The following MEF2C variants were observed in gnomAD, a reference collection of about 807,000 sequenced individuals.
MEF2C encodes the protein myocyte-specific enhancer factor 2C.
A neutral mutation model predicts 50.5 loss-of-function variants in MEF2C; 6 were observed. The ratio of observed to expected loss-of-function variants is 0.12; its 90% CI spans 0.07 to 0.23. The LOEUF (loss-of-function observed/expected upper bound fraction) is 0.23. MEF2C is among the 10% of genes least tolerant of loss of function. The pLI, the probability that MEF2C is intolerant of heterozygous loss-of-function variation, is 1.00. For missense variants in MEF2C, 276 were observed against 605.0 expected (o/e 0.46, Z 5.70); for synonymous variants, 183 against 228.0 (o/e 0.80, Z 1.78).
chr5:88,726,258 T>C (rs1240424271), intron 10 of MEF2C, among the ~76,000 whole-genome samples: 3 of 152,146 alleles, frequency 2.0e-5, no homozygotes, highest in African/African-American at 7.2e-5. Flanking sequence ...ACATTGTCTC[T>C]AGCCAAAAGA....
chr5:88,839,347 C>CTCTCTCTA (rs1554040239), intron 1 of MEF2C: 1 of 91,714 alleles, frequency 1.1e-5, no homozygotes, highest in Non-Finnish European at 2.2e-5. Context: ...CTCTCTCTCT[C>CTCTCTCTA]TCTCTCTATC....
Position 88,734,190 on chromosome 5 carries a change from A to G in MEF2C, c.638-2289T>C, listed in dbSNP as rs1762878563. ...ATAGATTCTACGGGATAAAAAGAGA[A>G]TAAGAACATCAAGGTCAATTCTGCT... On this transcript the variant is annotated intron_variant, in intron 6 of 10. Transcript: ENST00000504921. The G allele has an allele frequency of 1.2e-5, 12 of 985,238 alleles. No homozygotes were observed. The Middle Eastern group carries it at 1.6e-3, about 129-fold the overall frequency. The allele number at this position is 985,238 out of a possible 1,614,324, so 61.0% of individuals were successfully genotyped here.
upstream of MEF2C, chr5:88,883,239 G>C (rs1390000217): frequency 6.9e-6 from 1 of 144,030 alleles, no homozygotes; most frequent in Admixed American, 6.9e-5. Flanking sequence ...GCGCGCGCGA[G>C]GGGAGCGCGC....
At chr5:88,766,351 T>C (rs1041058864) in intron 3 of MEF2C, among the ~76,000 whole-genome samples, 5 of 152,236 alleles carry the variant, frequency 3.3e-5, no homozygotes, top group Non-Finnish European at 7.3e-5. Flanking sequence ...CCTTTTCTTA[T>C]GCAGTGATTA....
rs551625275 is a variant in MEF2C, at chr5:88,757,860, G to T, written c.402+3325C>A. On this transcript the variant is annotated intron_variant, in intron 4 of 10. Coordinates refer to ENST00000504921, the MANE Select transcript of MEF2C (RefSeq NM_002397.5). ...GAACATGGGAGGCGGAGGTTGAGGGGAGCCAGGATCACGCCGTTGCACTCC... is the reference window on the plus strand; with the variant it reads ...GAACATGGGAGGCGGAGGTTGAGGGTAGCCAGGATCACGCCGTTGCACTCC... Among the ~76,000 whole-genome samples the T allele has an allele frequency of 1.8e-4, 28 of 152,248 alleles. No homozygotes were observed. The South Asian group carries it at 5.4e-3, about 29-fold the overall frequency.
intron 6 of MEF2C, chr5:88,737,674 C>T (rs1325697377): frequency 4.2e-5 from 41 of 985,052 alleles, no homozygotes; most frequent in East Asian, 1.1e-4. Flanking sequence ...AGAGGCTTTG[C>T]GGAGAGAAGG....
intron 1 of MEF2C, among the ~76,000 whole-genome samples, chr5:88,872,220 C>T (rs1303206708): frequency 2.0e-5 from 3 of 152,000 alleles, no homozygotes; most frequent in African/African-American, 7.2e-5. Flanking sequence ...CCATTAAAAT[C>T]ATCTAATAAC....
chr5:88,901,855 C>G (rs1835690120), intron 1 of MEF2C, among the ~76,000 whole-genome samples: 1 of 151,728 alleles, frequency 6.6e-6, no homozygotes, highest in South Asian at 2.1e-4. Flanking sequence ...TCAGGCACAG[C>G]TAAAATGATA....
chr5:88,846,421 C>T (rs1198213428), intron 1 of MEF2C, among the ~76,000 whole-genome samples: 1 of 152,068 alleles, frequency 6.6e-6, no homozygotes, highest in Non-Finnish European at 1.5e-5. Context: ...CCTATAATGA[C>T]AGAAAAATGA....
chr5:88,821,450 A>T (rs1266133780), intron 2 of MEF2C, among the ~76,000 whole-genome samples: 1 of 151,776 alleles, frequency 6.6e-6, no homozygotes, highest in Non-Finnish European at 1.5e-5. Flanking sequence ...TTAAAATAAG[A>T]GATTGCATCT....
chr5:88,812,654 C>G (rs1054799208), intron 2 of MEF2C, among the ~76,000 whole-genome samples: 5 of 152,146 alleles, frequency 3.3e-5, no homozygotes, highest in African/African-American at 1.2e-4. Context: ...TCCCTACATT[C>G]GACAGTATCT....
At chr5:88,745,730 G>T (rs1373780819) in intron 6 of MEF2C, among the ~76,000 whole-genome samples, 1 of 152,204 alleles carries the variant, frequency 6.6e-6, no homozygotes, top group African/African-American at 2.4e-5. Context: ...GAGGTGGACT[G>T]CTTGAGACCA....
intron 10 of MEF2C, among the ~76,000 whole-genome samples, chr5:88,727,311 T>C (rs1759288785): frequency 6.6e-6 from 1 of 152,304 alleles, no homozygotes. Flanking sequence ...ATCTTACTAT[T>C]TAAATGAAAG....
chr5:88,778,661 C>G (rs1018997757), intron 3 of MEF2C, among the ~76,000 whole-genome samples: 2 of 152,020 alleles, frequency 1.3e-5, no homozygotes, highest in Non-Finnish European at 2.9e-5. Flanking sequence ...TGTTGAAAAA[C>G]ATGCACATAA....
At chr5:88,760,412 A>G (rs866681649) in intron 4 of MEF2C, among the ~76,000 whole-genome samples, 1 of 152,250 alleles carries the variant, frequency 6.6e-6, no homozygotes, top group Non-Finnish European at 1.5e-5. Context: ...GCACACAAAC[A>G]TGTTGAAATC....
At chr5:88,762,245 C>G (rs1580273615) in intron 3 of MEF2C, among the ~76,000 whole-genome samples, 1 of 152,260 alleles carries the variant, frequency 6.6e-6, no homozygotes, top group East Asian at 1.9e-4. Flanking sequence ...AACATTGTAA[C>G]AGAAAAAGTA....
At chr5:88,738,832 G>A (rs1232424525) in intron 6 of MEF2C, 1 of 985,090 alleles carries the variant, frequency 1.0e-6, no homozygotes, top group East Asian at 1.1e-4. Context: ...CTCATAAAGA[G>A]GCACAGAATG....
chr5:88,806,064 C>T (rs1330355109), intron 2 of MEF2C, among the ~76,000 whole-genome samples: 3 of 151,890 alleles, frequency 2.0e-5, no homozygotes, highest in African/African-American at 4.8e-5. Context: ...ACTTGCTTTT[C>T]GAACCTATTG....
chr5:88,828,094 A>G (rs1340441754), intron 1 of MEF2C, among the ~76,000 whole-genome samples: 2 of 151,984 alleles, frequency 1.3e-5, no homozygotes, highest in African/African-American at 2.4e-5. Flanking sequence ...GGCATTCTAC[A>G]TAAGGTTTCT....
Sources: gnomAD v4.1 joint callset for allele counts (sites outside exome capture counted in the v4.1 genomes callset) on GRCh38, gnomAD v4.1.1 for gene constraint, MANE v1.5 for transcripts, NCBI Gene and HGNC (gene_info 2026-07-23, HGNC 2026-07-21) for gene names.